COL6A3: variants seen among roughly 807,000 people sequenced by gnomAD.
COL6A3 encodes the protein collagen alpha-3(VI) chain.
COL6A3 carries 137 observed loss-of-function variants against 274.1 expected under a neutral mutation model. That is an observed-to-expected ratio of 0.50 (90% CI 0.44 to 0.58). The LOEUF (loss-of-function observed/expected upper bound fraction) is 0.58. Among genes scored for constraint, COL6A3 ranks in the 20% least tolerant of loss-of-function variants. COL6A3 has a pLI of 0.00. For missense variants in COL6A3, 3,950 were observed against 4,124.9 expected (o/e 0.96, Z 1.16); for synonymous variants, 1,650 against 1,650.6 (o/e 1.00, Z 0.01).
chr2:237,394,760 T>G lies in COL6A3; in HGVS notation c.536A>C (p.Asp179Ala). 6.2e-7 allele frequency: 1 copy of G among 1,614,238 alleles called. No individual in the cohort carries two copies. The highest frequency in any genetic ancestry group is 8.5e-7 in the Non-Finnish European group (1 of 1,180,038). The stretch of plus-strand genomic sequence containing the variant: ...TTCTTTTAACGCTCCTTCATCTGCA[T>G]CCTCAACTCCAATTGCAAACACGTT... ...DVNVFAIGVE[D>A]ADEGALKEIA... Residue 179 changes from aspartate to alanine, a missense_variant, in exon 3 of 44, where the codon GAT becomes GCT. Coordinates refer to ENST00000295550, the MANE Select transcript of COL6A3 (RefSeq NM_004369.4).
chr2:237,358,033 T>C (rs1574972907), intron 21 of COL6A3, 151 bp from the exon 22 acceptor site: 3 of 782,050 alleles, frequency 3.8e-6, no homozygotes, highest in South Asian at 2.9e-5. Flanking sequence ...GTAACATCCA[T>C]GCAGGTCTTA....
chr2:237,375,132 A>G, intron 7 of COL6A3, 112 bp from the exon 8 acceptor site: 1 of 1,506,662 alleles, frequency 6.6e-7, no homozygotes, highest in African/African-American at 1.4e-5. Flanking sequence ...AAATCCCCGA[A>G]CTTGAGAAAA....
chr2:237,370,475 G>T (rs568533876), intron 9 of COL6A3, among the ~76,000 whole-genome samples: 7 of 152,234 alleles, frequency 4.6e-5, no homozygotes, highest in African/African-American at 1.7e-4. Flanking sequence ...CTGGCCTCAT[G>T]ATCAGCCCAC....
At chr2:237,356,559 G>A (rs2077321660) in intron 23 of COL6A3, among the ~76,000 whole-genome samples, 1 of 152,134 alleles carries the variant, frequency 6.6e-6, no homozygotes, top group South Asian at 2.1e-4. Context: ...GCCCCTCAGG[G>A]CGTGGCTGAG....
At position 237,388,025 on chromosome 2, in the gene COL6A3, G is replaced by A. The variant is rs757693305; in HGVS notation, c.869C>T (p.Pro290Leu). The A allele has an allele frequency of 5.6e-6, 9 of 1,614,164 alleles. No individual in the cohort carries two copies. The highest frequency in any genetic ancestry group is 7.6e-6 in the Non-Finnish European group (9 of 1,180,036). ...GGTGTCCAAGGAGAACATGGTTCTG[G>A]GCTCATCGCTAAACTGGACCACCCC... is the stretch of plus-strand genomic sequence containing the variant. The part of the protein sequence containing the change: ...RVGVVQFSDE[P>L]RTMFSLDTYS... Residue 290 changes from proline (P) to leucine (L), a missense_variant, in exon 4 of 44, where the codon CCC (proline) becomes CTC (leucine). Transcript: ENST00000295550.
chr2:237,363,140 A>T, intron 14 of COL6A3, 113 bp downstream of exon 14: 1 of 1,001,592 alleles, frequency 1.0e-6, no homozygotes, highest in Non-Finnish European at 1.5e-6. Flanking sequence ...ACTATCTACC[A>T]AGGCCCCCCC....
At position 237,336,117 on chromosome 2, in the gene COL6A3, T is replaced by C. The variant is rs759789994; in HGVS notation, c.8965+18A>G. ...TGAGGATGTCACAAGATGGCAGCCC[T>C]AGCAAGGGCTTTCTTACCCATGGGC... On this transcript the variant is annotated intron_variant, in intron 40 of 43. Transcript: ENST00000295550. 1.5e-5 allele frequency: 25 copies of C among 1,613,072 alleles called. No homozygotes were observed. Among genetic ancestry groups the C allele is most frequent in the Non-Finnish European group, 2.1e-5 (25 of 1,179,926 alleles).
chr2:237,411,281 C>A (rs1265721201), intron 1 of COL6A3, among the ~76,000 whole-genome samples: 1 of 152,172 alleles, frequency 6.6e-6, no homozygotes, highest in Admixed American at 6.5e-5. Flanking sequence ...GCTGTTACTG[C>A]GCCTGCAAGG....
At chr2:237,357,173 G>T (rs1196130528) in intron 23 of COL6A3, 165 bp downstream of exon 23, 1 of 762,240 alleles carries the variant, frequency 1.3e-6, no homozygotes, top group African/African-American at 1.7e-5. Flanking sequence ...GAAGCACCAG[G>T]GAAATTATAA....
rs759255878 is a variant in COL6A3, at chr2:237,344,788, A to G, written c.7230T>C (p.Ser2410=). ...PTELAFALDT[S]EGVNQDTFGR... ...CGAAAGTGTCTTGGTTGACTCCCTC[A>G]GAGGTGTCTAAAGCAAAGGCTAGTT... Residue 2410 remains serine (S), a synonymous_variant, in exon 36 of 44, where the codon TCT becomes TCC. Transcript: ENST00000295550. The surrounding 1 kb of genome is among the most constrained non-coding windows in gnomAD (Gnocchi z 4.8). 1 of 1,609,340 alleles carries G rather than the reference A, an allele frequency of 6.2e-7. No individual in the cohort carries two copies. Among genetic ancestry groups the G allele is most frequent in the Admixed American group, 1.7e-5 (1 of 59,512 alleles).
chr2:237,358,437 G>A lies in COL6A3; in HGVS notation c.6471+84C>T. ...AACGTGTTTTAAAGCAATTTCAAAA[G>A]TAGAATTCTTCCTTTCATCCCCCTT... On this transcript the variant is annotated intron_variant, in intron 21 of 43. Transcript: ENST00000295550. 4 of 1,142,684 alleles carry A rather than the reference G, an allele frequency of 3.5e-6. No individual in the cohort carries two copies. The South Asian group carries it at 5.0e-5, about 14-fold the overall frequency. 70.8% of individuals were successfully genotyped at this position (1,142,684 alleles called of 1,614,324 possible).
In COL6A3 at chr2:237,372,104, T is replaced by C. The variant is rs760453559; in HGVS notation, c.3913A>G (p.Lys1305Glu). Residue 1305 changes from lysine to glutamate, a missense_variant, in exon 9 of 44, where the codon AAG becomes GAG. Around this residue, in one of 5 missense-constraint regions of COL6A3, gnomAD observed 1,934 missense variants for 1,984.3 expected, o/e 0.97. Coordinates refer to ENST00000295550, the MANE Select transcript of COL6A3 (RefSeq NM_004369.4). ...VQNAVQRLRPKGGRQINVGNA... is the reference protein window; with the variant it reads ...VQNAVQRLRPEGGRQINVGNA... ...CCCACGTTGATCTGCCGCCCTCCCT[T>C]GGGCCTCAGCCGCTGCACCGCGTTC... 6 of 1,613,938 alleles carry C rather than the reference T, an allele frequency of 3.7e-6. No homozygotes were observed. In the African/African-American group the frequency reaches 8.0e-5, roughly 22 times the overall value.
chr2:237,382,279 A>T (rs1264172116), intron 4 of COL6A3, among the ~76,000 whole-genome samples: 2 of 152,104 alleles, frequency 1.3e-5, no homozygotes, highest in Non-Finnish European at 2.9e-5. Context: ...GCTACTCAGG[A>T]GGATGAGGCA....
chr2:237,360,032 A>C, intron 17 of COL6A3, 56 bp downstream of exon 17: 2 of 1,565,808 alleles, frequency 1.3e-6, no homozygotes, highest in East Asian at 4.5e-5. Flanking sequence ...CATCTGGAGA[A>C]ACTGCGAGTC....
rs2077202087 is a variant in COL6A3, at chr2:237,351,324, C to T, written c.6754-132G>A. ...CATGGAACCTGTCCCACCTGCAAATCCCAAGCACTCAGCTCTGAGCACGGG... is the reference window on the plus strand; with the variant it reads ...CATGGAACCTGTCCCACCTGCAAATTCCAAGCACTCAGCTCTGAGCACGGG... On this transcript the variant is annotated intron_variant, in intron 26 of 43. Transcript: ENST00000295550. 1.1e-5 allele frequency: 9 copies of T among 788,758 alleles called. No homozygotes were observed. The South Asian group carries it at 1.3e-4, about 11-fold the overall frequency. 48.9% of individuals were successfully genotyped at this position (788,758 alleles called of 1,614,324 possible). A position where few individuals can be genotyped will look rare whatever the true frequency, so the allele number is the denominator to read the frequency against.
chr2:237,341,407 G>C (rs2076984758), intron 37 of COL6A3, among the ~76,000 whole-genome samples: 1 of 152,092 alleles, frequency 6.6e-6, no homozygotes, highest in Non-Finnish European at 1.5e-5. Context: ...AGCTGGGCCT[G>C]ATGGCGCATG....
rs569709003 is a variant in COL6A3, at chr2:237,371,687, A to T, written c.4285+45T>A. 6.5e-7 allele frequency: 1 copy of T among 1,535,380 alleles called. No homozygotes were observed. Among genetic ancestry groups the T allele is most frequent in the Non-Finnish European group, 8.7e-7 (1 of 1,144,500 alleles). On this transcript the variant is annotated intron_variant, in intron 9 of 43. Transcript: ENST00000295550. The surrounding 1 kb of genome is among the most constrained non-coding windows in gnomAD (Gnocchi z 4.3). The stretch of plus-strand genomic sequence containing the variant: ...ATGGCCTTTGAGCCTGTTATTTTTC[A>T]TATGGAAAATGCTCCAAGGAGAACC...
chr2:237,333,547 C>A lies in COL6A3; in HGVS notation c.9231G>T (p.Lys3077Asn), dbSNP rs946842388. The A allele has an allele frequency of 5.6e-6, 9 of 1,613,692 alleles. No homozygotes were observed. In the African/African-American group the frequency reaches 6.7e-5, roughly 12 times the overall value. ...RATYHGSFST[K>N]KSQPPPPQPA... ...GCTGTGGAGGTGGGGGCTGAGATTT[C>A]TCTATAAAAGAAAAATATATGCAAC... The change falls in exon 42 of 44, where the codon AAG becomes AAT. Residue 3077 changes from lysine (K) to asparagine (N), a missense_variant and splice_region_variant. By Grantham distance (94) the Lys-to-Asn change is moderately conservative (BLOSUM62 0). Coordinates refer to ENST00000295550, the MANE Select transcript of COL6A3 (RefSeq NM_004369.4).
Position 237,387,706 on chromosome 2 carries a change from G to A in COL6A3, c.1188C>T (p.Asp396=). Residue 396 remains aspartate, a synonymous_variant, in exon 4 of 44, where the codon GAC becomes GAT. Transcript: ENST00000295550. ...ATTCCGGGACAGTAAACACCAAGTT[G>A]TCATCGGTAGCTATGTGCTGAAGCT... The part of the protein sequence containing the change: ...RAELQHIATD[D]NLVFTVPEFR... The A allele has an allele frequency of 6.2e-7, 1 of 1,614,048 alleles. No individual in the cohort carries two copies. Among genetic ancestry groups the A allele is most frequent in the Non-Finnish European group, 8.5e-7 (1 of 1,179,968 alleles).
Sources: gnomAD v4.1 joint callset for allele counts (sites outside exome capture counted in the v4.1 genomes callset) on GRCh38, gnomAD v4.1.1 for gene constraint, gnomAD v4.1.1 regional missense constraint, Gnocchi (gnomAD v3.1) non-coding constraint, MANE v1.5 for transcripts, NCBI Gene and HGNC (gene_info 2026-07-23, HGNC 2026-07-21) for gene names.